RPS6KB1: variants seen among roughly 807,000 people sequenced by gnomAD.
The protein encoded by RPS6KB1 is ribosomal protein S6 kinase B1.
RPS6KB1 carries 12 observed loss-of-function variants against 70.2 expected under a neutral mutation model. That is an observed-to-expected ratio of 0.17 (90% confidence interval 0.11 to 0.28). The LOEUF (loss-of-function observed/expected upper bound fraction) is 0.28, where lower values mean the gene tolerates loss of function less well. RPS6KB1 is among the 10% of genes least tolerant of loss of function. The probability of loss-of-function intolerance (pLI) is 1.00; values close to 1 mark genes in which losing one functional copy is unlikely to be tolerated. For synonymous variants in RPS6KB1, 175 were observed against 211.2 expected (o/e 0.83, Z 1.49); for missense variants, 270 against 646.6 (o/e 0.42, Z 6.32).
chr17:59,904,406 G>A (rs1284427672), intron 1 of RPS6KB1, among the ~76,000 whole-genome samples: 1 of 146,560 alleles, frequency 6.8e-6, no homozygotes, highest in Non-Finnish European at 1.5e-5. Flanking sequence ...TATCATTTTT[G>A]TTTTTTGAGA....
rs1391109009 is a variant in RPS6KB1, at chr17:59,949,468, A to G, written c.*2680A>G. On this transcript the variant is annotated 3_prime_UTR_variant, in exon 15 of 15. Transcript: ENST00000225577. Reference sequence around the variant, plus strand: ...TTGATTATTTTCTTTAAAATCAGCTATTACAGGATATTTTTTTATTTTATA... The same window carrying G: ...TTGATTATTTTCTTTAAAATCAGCTGTTACAGGATATTTTTTTATTTTATA... 3 of 152,488 alleles carry G rather than the reference A, an allele frequency of 2.0e-5. No individual in the cohort carries two copies. The highest frequency in any genetic ancestry group is 4.4e-5 in the Non-Finnish European group (3 of 67,944). 9.4% of individuals were successfully genotyped at this position (152,488 alleles called of 1,614,324 possible).
chr17:59,930,013 A>G, intron 5 of RPS6KB1, 104 bp from the exon 6 acceptor site: 1 of 693,460 alleles, frequency 1.4e-6, no homozygotes, highest in African/African-American at 1.8e-5. Context: ...TAAGGGGCTG[A>G]TGTCTTTTAA....
intron 5 of RPS6KB1, 93 bp downstream of exon 5, chr17:59,926,675 A>G (rs1568462446): frequency 9.2e-7 from 1 of 1,086,476 alleles, no homozygotes; most frequent in East Asian, 2.4e-5. Flanking sequence ...TTTTCCCATT[A>G]TGATCAAATA....
In RPS6KB1 at chr17:59,934,616, A is replaced by C. The variant is rs2044129464; in HGVS notation, c.870+92A>C. Reference sequence around the variant, plus strand: ...TCCTGTGCTTTCTGAACATGTTACCAGTGGAGTTTTCAAAGCCCAAAGATT... The same window carrying C: ...TCCTGTGCTTTCTGAACATGTTACCCGTGGAGTTTTCAAAGCCCAAAGATT... On this transcript the variant is annotated intron_variant, in intron 9 of 14. Transcript: ENST00000225577. This position sits in a 1 kb window ranked among gnomAD's most constrained non-coding sequence, Gnocchi z 4.8. 10 of 929,450 alleles carry C rather than the reference A, an allele frequency of 1.1e-5. No individual in the cohort carries two copies. The highest frequency in any genetic ancestry group is 1.5e-5 in the Non-Finnish European group (9 of 598,826). The allele number at this position is 929,450 out of a possible 1,614,324, so 57.6% of individuals were successfully genotyped here. A position where few individuals can be genotyped will look rare whatever the true frequency, so the allele number is the denominator to read the frequency against.
chr17:59,945,693 G>A lies in RPS6KB1; in HGVS notation c.1340+175G>A, dbSNP rs2044880535. 2.0e-5 allele frequency among the ~76,000 whole-genome samples: 3 copies of A among 152,170 alleles called. No individual in the cohort carries two copies. In the South Asian group the frequency reaches 6.2e-4, roughly 31 times the overall value. Reference sequence around the variant, plus strand: ...AGGACTAGTCTGACTAATCTATGATGTTATATGGTTTACCTTCCCTCCCAA... The same window carrying A: ...AGGACTAGTCTGACTAATCTATGATATTATATGGTTTACCTTCCCTCCCAA... On this transcript the variant is annotated intron_variant, in intron 14 of 14. Transcript: ENST00000225577.
At chr17:59,895,767 G>T (rs1370248416) in intron 1 of RPS6KB1, among the ~76,000 whole-genome samples, 1 of 151,924 alleles carries the variant, frequency 6.6e-6, no homozygotes, top group Non-Finnish European at 1.5e-5. Context: ...CGAGTAGCTG[G>T]GACTACAGGC....
At chr17:59,895,966 A>T (rs2041532232) in intron 1 of RPS6KB1, among the ~76,000 whole-genome samples, 1 of 152,174 alleles carries the variant, frequency 6.6e-6, no homozygotes, top group South Asian at 2.1e-4. Context: ...TTTCATGCAG[A>T]ATTCCAATTA....
intron 1 of RPS6KB1, among the ~76,000 whole-genome samples, chr17:59,909,504 G>A (rs1001937957): frequency 6.6e-6 from 1 of 150,912 alleles, no homozygotes; most frequent in Non-Finnish European, 1.5e-5. Context: ...CTGACCTCGT[G>A]ATCTGCCCGC....
intron 6 of RPS6KB1, chr17:59,931,304 A>G (rs567752784): frequency 4.3e-6 from 1 of 234,492 alleles, no homozygotes; most frequent in East Asian, 1.3e-4. Flanking sequence ...ATGAATGGCT[A>G]TTAGCTTAAT....
Position 59,946,632 on chromosome 17 carries a change from C to T in RPS6KB1, c.1422C>T (p.Tyr474=), listed in dbSNP as rs767308286. 14 of 1,613,834 alleles carry T rather than the reference C, an allele frequency of 8.7e-6. No homozygotes were observed. Among genetic ancestry groups the T allele is most frequent in the East Asian group, 6.7e-5 (3 of 44,884 alleles). The change falls in exon 15 of 15, where the codon TAC becomes TAT. Residue 474 remains tyrosine (Y), a synonymous_variant. Coordinates refer to ENST00000225577, the MANE Select transcript of RPS6KB1 (RefSeq NM_003161.4). The surrounding 1 kb of genome is among the most constrained non-coding windows in gnomAD (Gnocchi z 4.2). ...CAAATCCTCAGACACCTGTGGAATA[C>T]CCAATGGAAACAAGTGGCATAGAGC... ...STANPQTPVE[Y]PMETSGIEQM...
At chr17:59,902,206 G>A (rs2042000465) in intron 1 of RPS6KB1, among the ~76,000 whole-genome samples, 1 of 145,624 alleles carries the variant, frequency 6.9e-6, no homozygotes, top group Non-Finnish European at 1.5e-5. Context: ...CTGGGTTCAA[G>A]TAATTTTCCT....
In RPS6KB1 at chr17:59,947,503, G is replaced by C. The variant is rs574295962; in HGVS notation, c.*715G>C. ...TTTGAGGGATTGGGGTGGACCTGGG[G>C]TTTATTTTCAGTAACCCAGCTGCAA... On this transcript the variant is annotated 3_prime_UTR_variant, in exon 15 of 15. Coordinates refer to ENST00000225577, the MANE Select transcript of RPS6KB1 (RefSeq NM_003161.4). The C allele has an allele frequency of 1.3e-6, 2 of 1,512,334 alleles. No individual in the cohort carries two copies. The highest frequency in any genetic ancestry group is 8.9e-7 in the Non-Finnish European group (1 of 1,125,504). 93.7% of individuals were successfully genotyped at this position (1,512,334 alleles called of 1,614,324 possible).
Position 59,893,340 on chromosome 17 carries a change from C to A in RPS6KB1, c.141+15C>A, listed in dbSNP as rs929813540. 7 of 1,589,222 alleles carry A rather than the reference C, an allele frequency of 4.4e-6. No homozygotes were observed. Among genetic ancestry groups the A allele is most frequent in the South Asian group, 1.1e-5 (1 of 88,074 alleles). The stretch of plus-strand genomic sequence containing the variant: ...TGGAGGAGGGGGTGAGGCCCGGGGT[C>A]CCCGGGGGCCCGAGGTGACAGGGCC... On this transcript the variant is annotated intron_variant, in intron 1 of 14. Coordinates refer to ENST00000225577, the MANE Select transcript of RPS6KB1 (RefSeq NM_003161.4). The surrounding 1 kb of genome is among the most constrained non-coding windows in gnomAD (Gnocchi z 4.1).
At chr17:59,921,053 A>AAT (rs1324539587) in intron 4 of RPS6KB1, among the ~76,000 whole-genome samples, 1 of 152,196 alleles carries the variant, frequency 6.6e-6, no homozygotes, top group Non-Finnish European at 1.5e-5. Flanking sequence ...TATGTCGGAT[A>AAT]ATCAGGCCTG....
intron 1 of RPS6KB1, among the ~76,000 whole-genome samples, chr17:59,894,582 A>C (rs1192600600): frequency 6.6e-6 from 1 of 152,152 alleles, no homozygotes; most frequent in Non-Finnish European, 1.5e-5. Flanking sequence ...AAGTGGCCTA[A>C]AATAATACTG....
At chr17:59,944,945 T>G (rs1299626342) in intron 13 of RPS6KB1, among the ~76,000 whole-genome samples, 1 of 151,872 alleles carries the variant, frequency 6.6e-6, no homozygotes, top group African/African-American at 2.4e-5. Context: ...ATTACAGGCG[T>G]GCACCACCAT....
chr17:59,948,795 G>C lies in RPS6KB1; in HGVS notation c.*2007G>C, dbSNP rs1323842085. ...TTATACTTAAAAAGTGCAGATCCTT[G>C]TTCTTTGACAATTTGTGATGTCTGA... is the stretch of plus-strand genomic sequence containing the variant. On this transcript the variant is annotated 3_prime_UTR_variant, in exon 15 of 15. Transcript: ENST00000225577. The C allele has an allele frequency of 6.6e-6, 1 of 152,496 alleles. No individual in the cohort carries two copies. The highest frequency in any genetic ancestry group is 1.5e-5 in the Non-Finnish European group (1 of 68,004). 9.4% of individuals were successfully genotyped at this position (152,496 alleles called of 1,614,324 possible).
At chr17:59,937,144 G>A (rs1211973402) in intron 12 of RPS6KB1, among the ~76,000 whole-genome samples, 1 of 152,188 alleles carries the variant, frequency 6.6e-6, no homozygotes, top group Non-Finnish European at 1.5e-5. Flanking sequence ...TTACAGGTGT[G>A]AGCTTCTGCA....
chr17:59,929,159 C>T (rs1377374624), intron 5 of RPS6KB1, among the ~76,000 whole-genome samples: 1 of 147,778 alleles, frequency 6.8e-6, no homozygotes, highest in Non-Finnish European at 1.5e-5. Flanking sequence ...GAGACGGAAT[C>T]TCACTCTGTT....
Sources: gnomAD v4.1 joint callset for allele counts (sites outside exome capture counted in the v4.1 genomes callset) on GRCh38, gnomAD v4.1.1 for gene constraint, Gnocchi (gnomAD v3.1) non-coding constraint, MANE v1.5 for transcripts, NCBI Gene and HGNC (gene_info 2026-07-23, HGNC 2026-07-21) for gene names.